CPVL: variants seen among roughly 807,000 people sequenced by gnomAD.
The protein encoded by CPVL is carboxypeptidase vitellogenic like, also known as probable serine carboxypeptidase CPVL.
A neutral mutation model predicts 63.7 loss-of-function variants in CPVL; 51 were observed. The observed-to-expected ratio is 0.80, with a 90% CI of 0.64 to 1.01. The LOEUF (loss-of-function observed/expected upper bound fraction) is 1.01, where lower values mean the gene tolerates loss of function less well. Among genes scored for constraint, CPVL ranks in the 50% least tolerant of loss-of-function variants. The probability of loss-of-function intolerance (pLI) is 0.00; values close to 1 mark genes in which losing one functional copy is unlikely to be tolerated. For synonymous variants in CPVL, 195 were observed against 206.0 expected (o/e 0.95, Z 0.46); for missense variants, 530 against 573.1 (o/e 0.92, Z 0.77).
Position 29,125,337 on chromosome 7 carries a change from A to C in CPVL, c.-10-4266T>G, listed in dbSNP as rs189671008. On this transcript the variant is annotated intron_variant, in intron 1 of 12. Coordinates refer to ENST00000265394, the MANE Select transcript of CPVL (RefSeq NM_031311.5). Reference sequence around the variant, plus strand: ...TCAAGATGACAAGGCCAAGACTCAAAGCCAGAATTTACTTATGGCTCTAAA... The same window carrying C: ...TCAAGATGACAAGGCCAAGACTCAACGCCAGAATTTACTTATGGCTCTAAA... Among the ~76,000 whole-genome samples the C allele has an allele frequency of 8.4e-3, 1,282 of 152,100 alleles. 7 individuals carry two copies. The highest frequency in any genetic ancestry group is 0.014 in the Non-Finnish European group (954 of 67,982).
chr7:29,165,483 T>C (rs532757931), intron 5 of CPVL, among the ~76,000 whole-genome samples: 127 of 152,316 alleles, frequency 8.3e-4, no homozygotes, highest in Non-Finnish European at 1.6e-3. Flanking sequence ...TTTTCCACAG[T>C]CATGTTGTCT....
chr7:29,135,334 G>T (rs1791091864), intron 1 of CPVL, among the ~76,000 whole-genome samples: 1 of 148,094 alleles, frequency 6.8e-6, no homozygotes, highest in Admixed American at 6.8e-5. Flanking sequence ...AATTGTATTA[G>T]ATTTTTTTTT....
intron 12 of CPVL, among the ~76,000 whole-genome samples, chr7:29,000,663 G>A (rs187721063): frequency 6.9e-4 from 105 of 152,308 alleles, no homozygotes; most frequent in African/African-American, 2.3e-3. Flanking sequence ...GCTGGGATGA[G>A]TGGACCTTAT....
At chr7:29,135,150 C>T (rs1791073902) in intron 1 of CPVL, among the ~76,000 whole-genome samples, 1 of 149,818 alleles carries the variant, frequency 6.7e-6, no homozygotes, top group African/African-American at 2.5e-5. Context: ...CAAAGAAATA[C>T]TGCGAAAATA....
intron 11 of CPVL, among the ~76,000 whole-genome samples, chr7:29,031,096 AC>A (rs1158297734): frequency 6.6e-6 from 1 of 152,110 alleles, no homozygotes; most frequent in Non-Finnish European, 1.5e-5. Flanking sequence ...AAGGAATACT[AC>A]CCCCTAGGAT....
rs1785071910 is a variant in CPVL at position 29,085,000 on chromosome 7, CAG to C, written c.609+1482_609+1483del. Among the ~76,000 whole-genome samples, 3 of 152,256 alleles carry C rather than the reference CAG, an allele frequency of 2.0e-5. No homozygotes were observed. The South Asian group carries it at 6.2e-4, about 32-fold the overall frequency. ...GGAGAAGGGGTAAAAAAATACAGAA[CAG>C]AGAAAAGAGAAGAGAACCTTGTGGT... On this transcript the variant is annotated intron_variant, in intron 7 of 12. Transcript: ENST00000265394.
chr7:29,089,291 C>A (rs1457908249), intron 6 of CPVL, among the ~76,000 whole-genome samples: 1 of 152,148 alleles, frequency 6.6e-6, no homozygotes, highest in Non-Finnish European at 1.5e-5. Flanking sequence ...TGGACATGAT[C>A]ATGCATTGTA....
chr7:29,120,858 G>T, intron 2 of CPVL, 35 bp downstream of exon 2: 2 of 1,462,504 alleles, frequency 1.4e-6, no homozygotes, highest in Non-Finnish European at 1.9e-6. Flanking sequence ...TTGAACTCAT[G>T]CCAGTGGTTT....
intron 11 of CPVL, among the ~76,000 whole-genome samples, chr7:29,060,751 C>T (rs193173275): frequency 2.6e-4 from 40 of 152,288 alleles, no homozygotes; most frequent in African/African-American, 9.4e-4. Context: ...AGAGATGCTC[C>T]ACATTGGCCA....
At chr7:29,134,892 G>A (rs1791034581) in intron 1 of CPVL, among the ~76,000 whole-genome samples, 1 of 152,036 alleles carries the variant, frequency 6.6e-6, no homozygotes, top group South Asian at 2.1e-4. Context: ...TCCAGCCCAG[G>A]AGTTCGAGAC....
At chr7:29,014,199 T>G (rs1257271011) in intron 12 of CPVL, among the ~76,000 whole-genome samples, 1 of 152,160 alleles carries the variant, frequency 6.6e-6, no homozygotes, top group African/African-American at 2.4e-5. Context: ...CAGAGGAACT[T>G]TGCCCCTGTC....
chr7:29,039,716 A>C (rs748471068), intron 11 of CPVL, among the ~76,000 whole-genome samples: 20 of 152,110 alleles, frequency 1.3e-4, no homozygotes, highest in Non-Finnish European at 2.5e-4. Flanking sequence ...TTTTCTCTTT[A>C]TTCCCTGCTT....
At chr7:29,073,433 T>C (rs1193298875) in intron 7 of CPVL, among the ~76,000 whole-genome samples, 1 of 152,182 alleles carries the variant, frequency 6.6e-6, no homozygotes, top group Non-Finnish European at 1.5e-5. Context: ...TATCCTTTAA[T>C]GACTTCCCAT....
intron 11 of CPVL, among the ~76,000 whole-genome samples, chr7:29,049,732 A>T (rs190924890): frequency 1.1e-4 from 17 of 152,286 alleles, no homozygotes; most frequent in Admixed American, 8.5e-4. Context: ...CTACAGACTG[A>T]TATACCTGAT....
At chr7:29,008,762 T>A (rs969474969) in intron 12 of CPVL, among the ~76,000 whole-genome samples, 8 of 152,166 alleles carry the variant, frequency 5.3e-5, no homozygotes, top group Non-Finnish European at 7.3e-5. Context: ...GTGGGTAGTA[T>A]TTGCCAATTA....
chr7:29,164,821 A>G (rs1204659449), intron 5 of CPVL, among the ~76,000 whole-genome samples: 5 of 150,112 alleles, frequency 3.3e-5, no homozygotes, highest in Non-Finnish European at 5.9e-5. Context: ...TTATTTCTTC[A>G]CCCAGTTTCC....
At chr7:29,004,403 G>A (rs532344437) in intron 12 of CPVL, among the ~76,000 whole-genome samples, 2 of 135,130 alleles carry the variant, frequency 1.5e-5, no homozygotes, top group South Asian at 4.8e-4. Context: ...TGCTTTGAAC[G>A]TGTCTATTAA....
intron 11 of CPVL, among the ~76,000 whole-genome samples, chr7:29,044,278 A>AT (rs1472529780): frequency 6.6e-6 from 1 of 152,122 alleles, no homozygotes; most frequent in Non-Finnish European, 1.5e-5. Context: ...TTAACCAGGT[A>AT]TGGTGGCAGG....
intron 2 of CPVL, 39 bp downstream of exon 2, chr7:29,120,854 T>G: frequency 1.7e-6 from 2 of 1,204,512 alleles, no homozygotes; most frequent in Non-Finnish European, 2.4e-6. Context: ...ACTGTTGAAC[T>G]CATGCCAGTG....
Sources: gnomAD v4.1 joint callset for allele counts (sites outside exome capture counted in the v4.1 genomes callset) on GRCh38, gnomAD v4.1.1 for gene constraint, MANE v1.5 for transcripts, NCBI Gene and HGNC (gene_info 2026-07-23, HGNC 2026-07-21) for gene names.